Variants in SLC25A21 observed in about 807,000 individuals in gnomAD.
SLC25A21 encodes the protein solute carrier family 25 member 21.
A neutral mutation model predicts 43.8 loss-of-function variants in SLC25A21; 47 were observed. The ratio of observed to expected loss-of-function variants is 1.07; its 90% CI spans 0.85 to 1.37. The LOEUF (loss-of-function observed/expected upper bound fraction) is 1.37, where lower values mean the gene tolerates loss of function less well. SLC25A21 is among the 40% of genes most tolerant of loss of function. SLC25A21 has a pLI of 0.00. For missense variants in SLC25A21, 352 were observed against 350.2 expected (o/e 1.00, Z -0.04); for synonymous variants, 131 against 121.3 (o/e 1.08, Z -0.52).
chr14:37,170,314 G>A (rs1306882640), intron 1 of SLC25A21, among the ~76,000 whole-genome samples: 2 of 152,172 alleles, frequency 1.3e-5, no homozygotes, highest in African/African-American at 2.4e-5. Flanking sequence ...GATTACAGGC[G>A]TAAGACACCG....
intron 2 of SLC25A21, among the ~76,000 whole-genome samples, chr14:36,823,406 G>C (rs1888706130): frequency 6.6e-6 from 1 of 152,054 alleles, no homozygotes; most frequent in African/African-American, 2.4e-5. Flanking sequence ...AGATTATAGT[G>C]CTACCACTCT....
intron 2 of SLC25A21, among the ~76,000 whole-genome samples, chr14:36,842,194 T>G (rs1307457969): frequency 6.6e-6 from 1 of 152,198 alleles, no homozygotes; most frequent in African/African-American, 2.4e-5. Flanking sequence ...GCACATAGAT[T>G]CTTAATTGCT....
intron 1 of SLC25A21, among the ~76,000 whole-genome samples, chr14:37,059,610 C>CA (rs1324364098): frequency 6.6e-6 from 1 of 152,088 alleles, no homozygotes; most frequent in African/African-American, 2.4e-5. Context: ...AACAAACAAA[C>CA]AACAACAAAA....
chr14:36,992,096 G>C (rs917295166), intron 1 of SLC25A21, among the ~76,000 whole-genome samples: 1 of 152,178 alleles, frequency 6.6e-6, no homozygotes, highest in Admixed American at 6.5e-5. Flanking sequence ...GCTTCAGGCC[G>C]AGCACTTTGC....
chr14:36,683,095 T>C (rs555791119), intron 9 of SLC25A21, among the ~76,000 whole-genome samples: 1 of 152,298 alleles, frequency 6.6e-6, no homozygotes, highest in African/African-American at 2.4e-5. Flanking sequence ...ATAAAAAAAA[T>C]ATATGTGTGG....
At chr14:37,089,034 C>T (rs149805120) in intron 1 of SLC25A21, among the ~76,000 whole-genome samples, 1 of 152,104 alleles carries the variant, frequency 6.6e-6, no homozygotes, top group African/African-American at 2.4e-5. Flanking sequence ...CCGCCGTAAG[C>T]GAGGCTTTTT....
intron 2 of SLC25A21, among the ~76,000 whole-genome samples, chr14:36,814,480 A>T (rs2138447896): frequency 6.6e-6 from 1 of 152,324 alleles, no homozygotes; most frequent in Admixed American, 6.5e-5. Flanking sequence ...ACAAGAAAAT[A>T]CCAAACAACC....
At chr14:36,869,112 G>A (rs1036576930) in intron 2 of SLC25A21, among the ~76,000 whole-genome samples, 3 of 152,074 alleles carry the variant, frequency 2.0e-5, no homozygotes, top group Non-Finnish European at 2.9e-5. Flanking sequence ...CTGCAATCTG[G>A]ACAGAATTGA....
chr14:36,924,148 C>A (rs712402), intron 1 of SLC25A21, among the ~76,000 whole-genome samples: 100,166 of 151,656 alleles, frequency 0.66, 33,922 homozygotes, highest in African/African-American at 0.68. Context: ...ACTAGAAATA[C>A]CATTTGACCC....
chr14:36,809,768 A>G (rs2138436125), intron 3 of SLC25A21, among the ~76,000 whole-genome samples: 1 of 152,352 alleles, frequency 6.6e-6, no homozygotes, highest in East Asian at 1.9e-4. Context: ...TAGAGGAGAT[A>G]GGAAAAACCA....
chr14:37,017,589 A>G lies in SLC25A21; in HGVS notation c.71-142585T>C, dbSNP rs112107077. 1.4e-3 allele frequency among the ~76,000 whole-genome samples: 209 copies of G among 152,202 alleles called. 5 individuals carry two copies. Among genetic ancestry groups the G allele is most frequent in the African/African-American group, 4.4e-3 (183 of 41,560 alleles). On this transcript the variant is annotated intron_variant, in intron 1 of 9. Transcript: ENST00000331299. ...ACGCTGCTGGGAAAATGGTGCCAAT[A>G]GACTTTCCAGACACAGGGTTGCCGC...
chr14:37,130,459 T>C (rs1251497814), intron 1 of SLC25A21, among the ~76,000 whole-genome samples: 1 of 152,224 alleles, frequency 6.6e-6, no homozygotes, highest in Non-Finnish European at 1.5e-5. Flanking sequence ...ACATGGAAAC[T>C]GGATCCATCC....
At chr14:37,043,638 G>A (rs1311923300) in intron 1 of SLC25A21, among the ~76,000 whole-genome samples, 1 of 152,140 alleles carries the variant, frequency 6.6e-6, no homozygotes, top group African/African-American at 2.4e-5. Context: ...AGAAGACAGT[G>A]CCCCTCTCAT....
intron 1 of SLC25A21, among the ~76,000 whole-genome samples, chr14:36,998,308 G>C (rs1409450582): frequency 6.6e-6 from 1 of 152,098 alleles, no homozygotes; most frequent in East Asian, 1.9e-4. Flanking sequence ...CTCAAATTTA[G>C]AGTAACAGAA....
intron 3 of SLC25A21, among the ~76,000 whole-genome samples, chr14:36,743,763 A>ATC (rs1555324972): frequency 6.6e-6 from 1 of 152,142 alleles, no homozygotes; most frequent in East Asian, 1.9e-4. Flanking sequence ...AAGTCAAATG[A>ATC]TCTCTCACTG....
intron 3 of SLC25A21, among the ~76,000 whole-genome samples, chr14:36,751,712 A>G (rs1265984124): frequency 1.3e-5 from 2 of 152,204 alleles, no homozygotes; most frequent in Non-Finnish European, 1.5e-5. Context: ...TTCTAATTTC[A>G]TCATTGAAAT....
At chr14:36,881,693 A>G (rs1890732209) in intron 1 of SLC25A21, among the ~76,000 whole-genome samples, 1 of 152,168 alleles carries the variant, frequency 6.6e-6, no homozygotes, top group Non-Finnish European at 1.5e-5. Flanking sequence ...CATCCCTGCC[A>G]ACTCCTAATG....
chr14:36,701,286 C>G lies in SLC25A21; in HGVS notation c.603+10032G>C, dbSNP rs149464653. 9.9e-5 allele frequency among the ~76,000 whole-genome samples: 15 copies of G among 152,202 alleles called. No homozygotes were observed. The East Asian group carries it at 2.5e-3, about 25-fold the overall frequency. ...TTACAGTGTTTGTTTTCTCTTCATG[C>G]GAGATAATTTAGGGAAATGCTAGCT... is the stretch of plus-strand genomic sequence containing the variant. On this transcript the variant is annotated intron_variant, in intron 7 of 9. Transcript: ENST00000331299.
chr14:36,738,990 A>G (rs990597752), intron 3 of SLC25A21, among the ~76,000 whole-genome samples: 2 of 152,200 alleles, frequency 1.3e-5, no homozygotes, highest in African/African-American at 4.8e-5. Context: ...GAGGACTACC[A>G]TCATGTCAAT....
Sources: gnomAD v4.1 joint callset for allele counts (sites outside exome capture counted in the v4.1 genomes callset) on GRCh38, gnomAD v4.1.1 for gene constraint, MANE v1.5 for transcripts, NCBI Gene and HGNC (gene_info 2026-07-23, HGNC 2026-07-21) for gene names.